Variants in CNOT4 observed in about 807,000 individuals in gnomAD.
The protein encoded by CNOT4 is CCR4-NOT transcription complex subunit 4.
In CNOT4, 8 loss-of-function variants were observed where a neutral mutation model predicts 73.8. The observed-to-expected ratio is 0.11, with a 90% CI of 0.06 to 0.20. The LOEUF (loss-of-function observed/expected upper bound fraction) is 0.20. Among genes scored for constraint, CNOT4 ranks in the 10% least tolerant of loss-of-function variants. The pLI is 1.00. For synonymous variants in CNOT4, 293 were observed against 321.1 expected, an observed-to-expected ratio of 0.91 and a Z score of 0.94; for missense variants, 564 against 883.4, an observed-to-expected ratio of 0.64 and a Z score of 4.58.
intron 3 of CNOT4, among the ~76,000 whole-genome samples, chr7:135,420,270 G>A (rs367822259): frequency 2.0e-4 from 30 of 151,980 alleles, no homozygotes; most frequent in African/African-American, 7.0e-4. Flanking sequence ...GGAACTGCAC[G>A]TCAGAAACGT....
At chr7:135,375,361 A>G (rs1795459851) in intron 10 of CNOT4, among the ~76,000 whole-genome samples, 1 of 152,206 alleles carries the variant, frequency 6.6e-6, no homozygotes, top group African/African-American at 2.4e-5. Context: ...AAATGCACCT[A>G]AGAAGTTCAA....
At chr7:135,441,474 T>G (rs1190445135) in intron 1 of CNOT4, among the ~76,000 whole-genome samples, 1 of 151,288 alleles carries the variant, frequency 6.6e-6, no homozygotes, top group Non-Finnish European at 1.5e-5. Flanking sequence ...GTTAGGAGTT[T>G]AAAGCTGACT....
At chr7:135,491,190 C>G (rs919570037) in intron 1 of CNOT4, among the ~76,000 whole-genome samples, 1 of 152,104 alleles carries the variant, frequency 6.6e-6, no homozygotes, top group African/African-American at 2.4e-5. Flanking sequence ...ACATAGGCAA[C>G]TGGATATAAA....
chr7:135,456,721 A>T (rs970223394), intron 1 of CNOT4, among the ~76,000 whole-genome samples: 3 of 152,038 alleles, frequency 2.0e-5, no homozygotes, highest in African/African-American at 7.2e-5. Flanking sequence ...ACTGTGACAT[A>T]ATTTTTTTAT....
intron 10 of CNOT4, among the ~76,000 whole-genome samples, chr7:135,383,507 C>T (rs1795954401): frequency 6.6e-6 from 1 of 152,310 alleles, no homozygotes; most frequent in East Asian, 1.9e-4. Flanking sequence ...TTCAACTCAC[C>T]GGAAACCTGA....
chr7:135,461,398 T>G (rs1490611601), intron 1 of CNOT4, among the ~76,000 whole-genome samples: 1 of 152,152 alleles, frequency 6.6e-6, no homozygotes, highest in African/African-American at 2.4e-5. Flanking sequence ...AGATACTCCC[T>G]GAAAGGCTGC....
chr7:135,439,709 G>T (rs1239981311), intron 1 of CNOT4, among the ~76,000 whole-genome samples: 1 of 152,214 alleles, frequency 6.6e-6, no homozygotes, highest in Non-Finnish European at 1.5e-5. Flanking sequence ...GAGCCCAGGA[G>T]TTCAAGGCTG....
chr7:135,447,737 A>G (rs2129485755), intron 1 of CNOT4, among the ~76,000 whole-genome samples: 1 of 152,326 alleles, frequency 6.6e-6, no homozygotes, highest in South Asian at 2.1e-4. Context: ...GGCATTTTGG[A>G]AGAGATTCAA....
At chr7:135,397,637 A>C (rs1449561395) in intron 8 of CNOT4, among the ~76,000 whole-genome samples, 1 of 152,120 alleles carries the variant, frequency 6.6e-6, no homozygotes, top group Non-Finnish European at 1.5e-5. Flanking sequence ...CTGAGCAATA[A>C]GACAAGATGA....
Position 135,371,363 on chromosome 7 carries a change from A to C in CNOT4, c.1628-7297T>G, listed in dbSNP as rs116539335. On this transcript the variant is annotated intron_variant, in intron 10 of 11. Transcript: ENST00000541284. Reference sequence around the variant, plus strand: ...ACTACAACATGGGATAATAAATGCTATTCTAGTATGAGCAAAGACCTGTGG... The same window carrying C: ...ACTACAACATGGGATAATAAATGCTCTTCTAGTATGAGCAAAGACCTGTGG... 3.5e-3 allele frequency among the ~76,000 whole-genome samples: 528 copies of C among 152,330 alleles called. 4 individuals are homozygous for C. The highest frequency in any genetic ancestry group is 0.012 in the African/African-American group (508 of 41,564).
At chr7:135,452,501 C>T (rs1411540675) in intron 1 of CNOT4, among the ~76,000 whole-genome samples, 1 of 151,942 alleles carries the variant, frequency 6.6e-6, no homozygotes, top group Non-Finnish European at 1.5e-5. Flanking sequence ...ACCTGGGAGG[C>T]GGAGGTTGCA....
intron 1 of CNOT4, among the ~76,000 whole-genome samples, chr7:135,491,756 T>C (rs952427592): frequency 3.3e-5 from 5 of 152,172 alleles, no homozygotes; most frequent in Non-Finnish European, 7.4e-5. Flanking sequence ...TGTATATTGA[T>C]AGGAATTATC....
intron 1 of CNOT4, among the ~76,000 whole-genome samples, chr7:135,500,551 T>G (rs1020527552): frequency 6.6e-6 from 1 of 152,136 alleles, no homozygotes. Flanking sequence ...ACCAGACCTG[T>G]TTTTTAATAT....
rs983819155 is a variant in CNOT4 at position 135,436,633 on chromosome 7, T to A, written c.174+1525A>T. Among the ~76,000 whole-genome samples the A allele has an allele frequency of 3.3e-5, 5 of 150,252 alleles. 1 individual carries two copies. The highest frequency in any genetic ancestry group is 2.6e-4 in the Admixed American group (4 of 15,114). ...TATTAACTACATGAAATATTATATA[T>A]ATACAAATTATATATACACATTATA... On this transcript the variant is annotated intron_variant, in intron 2 of 11. Transcript: ENST00000541284.
At chr7:135,432,932 CT>C (rs774817981) in intron 2 of CNOT4, among the ~76,000 whole-genome samples, 15 of 152,326 alleles carry the variant, frequency 9.8e-5, no homozygotes, top group Admixed American at 2.0e-4. Context: ...CTATTTTCCT[CT>C]GTGGAAGCTT....
intron 1 of CNOT4, among the ~76,000 whole-genome samples, chr7:135,474,112 T>C (rs961816168): frequency 6.6e-6 from 1 of 150,670 alleles, no homozygotes; most frequent in Non-Finnish European, 1.5e-5. Flanking sequence ...CCCGAGTAGC[T>C]GAGATTACAG....
chr7:135,389,749 T>C (rs1429319340), intron 10 of CNOT4, among the ~76,000 whole-genome samples: 1 of 152,152 alleles, frequency 6.6e-6, no homozygotes, highest in Non-Finnish European at 1.5e-5. Context: ...GAAACAACAA[T>C]GCTTACTGAC....
chr7:135,421,558 A>G (rs1585618569), intron 3 of CNOT4, among the ~76,000 whole-genome samples: 2 of 152,182 alleles, frequency 1.3e-5, no homozygotes, highest in East Asian at 3.9e-4. Context: ...AAGAGAAAAA[A>G]GAGGTACTAA....
chr7:135,483,525 TA>T (rs982464797), intron 1 of CNOT4, among the ~76,000 whole-genome samples: 2 of 151,392 alleles, frequency 1.3e-5, no homozygotes, highest in African/African-American at 4.9e-5. Flanking sequence ...TTCATGATAT[TA>T]AAAAAAACTC....
Sources: allele counts gnomAD v4.1 joint callset (sites outside exome capture counted in the v4.1 genomes callset), GRCh38; gene constraint gnomAD v4.1.1; transcripts MANE v1.5; gene names NCBI Gene and HGNC (gene_info 2026-07-23, HGNC 2026-07-21).